RYR2: variants seen among roughly 807,000 people sequenced by gnomAD.
RYR2 encodes cardiac muscle ryanodine receptor-calcium release channel.
Under a neutral mutation model 601.1 loss-of-function variants are expected in RYR2, and 227 were observed. The ratio of observed to expected loss-of-function variants is 0.38; its 90% CI spans 0.34 to 0.42. The LOEUF (loss-of-function observed/expected upper bound fraction) is 0.42, where lower values mean the gene tolerates loss of function less well. Ranked by LOEUF, RYR2 falls within the 10% of genes least tolerant of loss-of-function variation. The pLI is 1.00. For missense variants in RYR2, 4,646 were observed against 6,156.5 expected (o/e 0.75, Z 8.21); for synonymous variants, 2,223 against 2,175.1 (o/e 1.02, Z -0.61).
At chr1:237,191,584 C>T (rs963760831) in intron 1 of RYR2, among the ~76,000 whole-genome samples, 1 of 152,230 alleles carries the variant, frequency 6.6e-6, no homozygotes, top group African/African-American at 2.4e-5. Flanking sequence ...GAGGGGCTTG[C>T]GTTGCCAAGT....
intron 84 of RYR2, among the ~76,000 whole-genome samples, chr1:237,762,305 G>T (rs1190199168): frequency 6.6e-6 from 1 of 152,046 alleles, no homozygotes; most frequent in Non-Finnish European, 1.5e-5. Context: ...AGGTTTTCTG[G>T]ACCCATCTGC....
At chr1:237,104,058 C>T (rs1668411462) in intron 1 of RYR2, among the ~76,000 whole-genome samples, 2 of 152,180 alleles carry the variant, frequency 1.3e-5, no homozygotes, top group South Asian at 2.1e-4. Context: ...CCCGCCTTCA[C>T]TGCAAATGCA....
At chr1:237,604,702 A>G (rs1467114046) in intron 35 of RYR2, among the ~76,000 whole-genome samples, 1 of 152,242 alleles carries the variant, frequency 6.6e-6, no homozygotes, top group Non-Finnish European at 1.5e-5. Flanking sequence ...AAAAGAGAGA[A>G]GAATCAAATA....
intron 25 of RYR2, among the ~76,000 whole-genome samples, chr1:237,546,976 C>CATATATATATATAT (rs558814390): frequency 0.039 from 3,776 of 96,974 alleles, 219 homozygotes; most frequent in Non-Finnish European, 0.063. Context: ...TTTTCAAAAG[C>CATATATATATATAT]ATATATATAT....
chr1:237,125,043 A>T (rs753030704), intron 1 of RYR2, among the ~76,000 whole-genome samples: 1 of 152,230 alleles, frequency 6.6e-6, no homozygotes, highest in Non-Finnish European at 1.5e-5. Context: ...ACTAATTCAT[A>T]GGCAGTAATG....
At chr1:237,146,822 T>G (rs191603370) in intron 1 of RYR2, among the ~76,000 whole-genome samples, 1 of 152,310 alleles carries the variant, frequency 6.6e-6, no homozygotes, top group African/African-American at 2.4e-5. Flanking sequence ...ATCATCCCAT[T>G]TAATCTTTTT....
In RYR2 at chr1:237,454,466, G is replaced by A; in HGVS notation, c.1368G>A (p.Leu456=). The stretch of plus-strand genomic sequence containing the variant: ...CTATAGAGTCCGTAAGCCTAAGTCT[G>A]CAGGATCTCATTGGCTACTTCCACC... ...DLPIESVSLS[L]QDLIGYFHPP... Residue 456 remains leucine, a synonymous_variant, in exon 15 of 105, where the codon CTG becomes CTA. Transcript: ENST00000366574. 6.2e-7 allele frequency: 1 copy of A among 1,613,610 alleles called. No individual in the cohort carries two copies. Among genetic ancestry groups the A allele is most frequent in the Non-Finnish European group, 8.5e-7 (1 of 1,179,664 alleles).
chr1:237,264,684 T>TTTA (rs1391225291), intron 1 of RYR2, among the ~76,000 whole-genome samples: 5 of 144,730 alleles, frequency 3.5e-5, no homozygotes, highest in Admixed American at 6.9e-5. Flanking sequence ...CAGTTTATTT[T>TTTA]TTATTATTAT....
At chr1:237,145,222 T>A (rs185259364) in intron 1 of RYR2, among the ~76,000 whole-genome samples, 95 of 139,288 alleles carry the variant, frequency 6.8e-4, no homozygotes, top group African/African-American at 1.8e-3. Flanking sequence ...AGTATAATAA[T>A]AAAAAAAAAA....
At chr1:237,119,859 C>CT (rs1670583401) in intron 1 of RYR2, among the ~76,000 whole-genome samples, 1 of 152,192 alleles carries the variant, frequency 6.6e-6, no homozygotes, top group Admixed American at 6.5e-5. Flanking sequence ...GATCACTTTT[C>CT]TTCAGCTTTG....
At chr1:237,536,752 G>A (rs1171058725) in intron 25 of RYR2, among the ~76,000 whole-genome samples, 10 of 141,528 alleles carry the variant, frequency 7.1e-5, no homozygotes, top group East Asian at 2.1e-4. Flanking sequence ...CGGGCATGGT[G>A]GCAGGCGCCT....
intron 99 of RYR2, among the ~76,000 whole-genome samples, chr1:237,807,765 A>G (rs571895865): frequency 9.8e-5 from 15 of 152,332 alleles, no homozygotes; most frequent in Middle Eastern, 3.4e-3. Flanking sequence ...ACCCTCTGTT[A>G]AGGTAACATG....
chr1:237,067,642 A>G (rs1466979306), intron 1 of RYR2, among the ~76,000 whole-genome samples: 1 of 152,206 alleles, frequency 6.6e-6, no homozygotes, highest in East Asian at 1.9e-4. Context: ...ATTCTTGTCT[A>G]TATCTACAAA....
chr1:237,201,320 A>C (rs1261221980), intron 1 of RYR2, among the ~76,000 whole-genome samples: 1 of 152,186 alleles, frequency 6.6e-6, no homozygotes, highest in African/African-American at 2.4e-5. Context: ...GTTTTACTGG[A>C]AGAACTTGAT....
intron 13 of RYR2, among the ~76,000 whole-genome samples, chr1:237,443,874 A>G (rs1708115567): frequency 6.6e-6 from 1 of 152,188 alleles, no homozygotes; most frequent in South Asian, 2.1e-4. Context: ...TTGAAACTTT[A>G]TCACAGCTCA....
At position 237,709,097 on chromosome 1, in the gene RYR2, A is replaced by C. The variant is rs762518778; in HGVS notation, c.10141A>C (p.Arg3381=). The C allele has an allele frequency of 7.0e-6, 11 of 1,560,694 alleles. No homozygotes were observed. The South Asian group carries it at 1.1e-4, about 15-fold the overall frequency. The change falls in exon 69 of 105, where the codon AGG becomes CGG. Residue 3381 remains arginine (R), a splice_region_variant and synonymous_variant. Transcript: ENST00000366574. Reference sequence around the variant, plus strand: ...CTTGATTAGATTTGTGGACTATAACAGGTATGATCAAAAGTAATTTAGTAA... The same window carrying C: ...CTTGATTAGATTTGTGGACTATAACCGGTATGATCAAAAGTAATTTAGTAA... ...PLLIRFVDYN[R]AKWLKEPNPE...
chr1:237,611,748 G>A (rs1179524553), intron 36 of RYR2, among the ~76,000 whole-genome samples: 3 of 152,058 alleles, frequency 2.0e-5, no homozygotes, highest in Admixed American at 2.0e-4. Context: ...TATGTTTTAA[G>A]TCTTTAATCT....
At chr1:237,611,909 C>T (rs567100577) in intron 36 of RYR2, among the ~76,000 whole-genome samples, 29 of 152,158 alleles carry the variant, frequency 1.9e-4, no homozygotes, top group African/African-American at 6.7e-4. Flanking sequence ...TGTGATCTAG[C>T]AATTCTACTC....
intron 1 of RYR2, among the ~76,000 whole-genome samples, chr1:237,214,761 T>C (rs1682980581): frequency 6.6e-6 from 1 of 152,224 alleles, no homozygotes; most frequent in African/African-American, 2.4e-5. Flanking sequence ...CATTTCTCTT[T>C]ATAATATTTC....
Sources: allele counts gnomAD v4.1 joint callset (sites outside exome capture counted in the v4.1 genomes callset), GRCh38; gene constraint gnomAD v4.1.1; transcripts MANE v1.5; gene names NCBI Gene and HGNC (gene_info 2026-07-23, HGNC 2026-07-21).